ITGA11: variants seen among roughly 807,000 people sequenced by gnomAD.
ITGA11 encodes the protein integrin subunit alpha 11, also known as integrin alpha-11.
In ITGA11, 97 loss-of-function variants were observed where a neutral mutation model predicts 141.9. The ratio of observed to expected loss-of-function variants is 0.68; its 90% CI spans 0.58 to 0.81. The LOEUF (loss-of-function observed/expected upper bound fraction) is 0.81. ITGA11 is among the 30% of genes least tolerant of loss of function. The pLI is 0.00. For synonymous variants in ITGA11, 658 were observed against 624.6 expected (o/e 1.05, Z -0.80); for missense variants, 1,387 against 1,559.2 (o/e 0.89, Z 1.86).
chr15:68,312,174 A>G (rs1033205266), intron 24 of ITGA11, among the ~76,000 whole-genome samples: 1 of 152,224 alleles, frequency 6.6e-6, no homozygotes, highest in Non-Finnish European at 1.5e-5. Context: ...CACTTTCCTT[A>G]GTGGCAGAAC....
intron 1 of ITGA11, among the ~76,000 whole-genome samples, chr15:68,412,538 G>A (rs1360498529): frequency 1.3e-5 from 2 of 152,076 alleles, no homozygotes; most frequent in African/African-American, 4.8e-5. Flanking sequence ...AGAGCATGAG[G>A]CCTCCTTCAC....
intron 2 of ITGA11, among the ~76,000 whole-genome samples, chr15:68,371,738 A>C (rs1028875450): frequency 6.6e-6 from 1 of 151,882 alleles, no homozygotes; most frequent in Non-Finnish European, 1.5e-5. Context: ...AAAAGAAAGA[A>C]AGGCACCGAG....
intron 2 of ITGA11, 31 bp downstream of exon 2, chr15:68,402,887 G>T: frequency 6.8e-7 from 1 of 1,476,478 alleles, no homozygotes; most frequent in Non-Finnish European, 9.4e-7. Flanking sequence ...GAATGGTACA[G>T]GGCTGGGTGT....
chr15:68,395,410 T>C (rs953539200), intron 2 of ITGA11, among the ~76,000 whole-genome samples: 6 of 151,800 alleles, frequency 4.0e-5, no homozygotes, highest in South Asian at 2.1e-4. Flanking sequence ...AAACCCATCA[T>C]AAGGAAGCTA....
chr15:68,364,227 C>T (rs991989432), intron 4 of ITGA11, among the ~76,000 whole-genome samples: 3 of 152,306 alleles, frequency 2.0e-5, no homozygotes, highest in East Asian at 1.9e-4. Flanking sequence ...GCCCTTCCCT[C>T]GGCTGTGGTA....
chr15:68,341,278 C>T (rs1359059884), intron 10 of ITGA11, among the ~76,000 whole-genome samples: 4 of 152,186 alleles, frequency 2.6e-5, no homozygotes, highest in Non-Finnish European at 5.9e-5. Flanking sequence ...GTTCGGGCCA[C>T]GACAGGAGCC....
chr15:68,374,862 A>G (rs1440597769), intron 2 of ITGA11, among the ~76,000 whole-genome samples: 1 of 152,190 alleles, frequency 6.6e-6, no homozygotes, highest in Non-Finnish European at 1.5e-5. Flanking sequence ...AAATCCAATT[A>G]TCATTGGTTA....
At chr15:68,417,615 A>G (rs1295990276) in intron 1 of ITGA11, among the ~76,000 whole-genome samples, 1 of 152,024 alleles carries the variant, frequency 6.6e-6, no homozygotes, top group African/African-American at 2.4e-5. Flanking sequence ...CATTTAGAAT[A>G]GATTCTAGAC....
rs115215765 is a variant in ITGA11 at position 68,309,103 on chromosome 15, G to A, written c.3175-1407C>T. On this transcript the variant is annotated intron_variant, in intron 26 of 29. Transcript: ENST00000315757. ...AAGCATTTCTTCAAATAATTATAACGGATAAAAGATGGCTTTGCCAGTACC... is the reference window on the plus strand; with the variant it reads ...AAGCATTTCTTCAAATAATTATAACAGATAAAAGATGGCTTTGCCAGTACC... 3.0e-3 allele frequency among the ~76,000 whole-genome samples: 462 copies of A among 152,292 alleles called. 4 individuals carry two copies. Among genetic ancestry groups the A allele is most frequent in the East Asian group, 0.013 (67 of 5,184 alleles).
In ITGA11 at chr15:68,325,097, A is replaced by C. The variant is rs775184562; in HGVS notation, c.2322+34T>G. 2.0e-6 allele frequency: 3 copies of C among 1,516,130 alleles called. No homozygotes were observed. Among genetic ancestry groups the C allele is most frequent in the East Asian group, 4.5e-5 (2 of 44,384 alleles). 93.9% of individuals were successfully genotyped at this position (1,516,130 alleles called of 1,614,324 possible). ...TGAGGTGGAGGTGGGGGTGGGGTTCATGCCCGAGGTGCGTGCCCTGTACCG... is the reference window on the plus strand; with the variant it reads ...TGAGGTGGAGGTGGGGGTGGGGTTCCTGCCCGAGGTGCGTGCCCTGTACCG... On this transcript the variant is annotated intron_variant, in intron 18 of 29. Coordinates refer to ENST00000315757, the MANE Select transcript of ITGA11 (RefSeq NM_001004439.2). This position sits in a 1 kb window ranked among gnomAD's most constrained non-coding sequence, Gnocchi z 5.5.
At chr15:68,430,400 G>A (rs1595904567) in intron 1 of ITGA11, among the ~76,000 whole-genome samples, 2 of 152,326 alleles carry the variant, frequency 1.3e-5, no homozygotes, top group Non-Finnish European at 2.9e-5. Context: ...CTGTTGGAAA[G>A]GTCGCATAAC....
chr15:68,421,370 G>A (rs1042984435), intron 1 of ITGA11, among the ~76,000 whole-genome samples: 7 of 152,184 alleles, frequency 4.6e-5, no homozygotes, highest in Admixed American at 4.6e-4. Flanking sequence ...CACAGAGGAG[G>A]AAGTCAGAAA....
chr15:68,341,673 T>C (rs1479752951), intron 10 of ITGA11, among the ~76,000 whole-genome samples: 6 of 152,210 alleles, frequency 3.9e-5, no homozygotes, highest in African/African-American at 1.4e-4. Flanking sequence ...TTCCTCCCTC[T>C]CTCTGCCTGT....
intron 23 of ITGA11, 34 bp from the exon 24 acceptor site, chr15:68,312,897 C>T (rs1465406973): frequency 1.4e-6 from 2 of 1,479,686 alleles, no homozygotes; most frequent in Non-Finnish European, 1.9e-6. Context: ...GTCGTGAGCT[C>T]AGTCAGGGCT....
intron 2 of ITGA11, among the ~76,000 whole-genome samples, chr15:68,395,478 C>T (rs1455973350): frequency 6.6e-6 from 1 of 151,292 alleles, no homozygotes; most frequent in African/African-American, 2.4e-5. Flanking sequence ...GTAGAGAAGA[C>T]TTTAAATGAC....
At position 68,326,776 on chromosome 15, in the gene ITGA11, T is replaced by C. The variant is rs200830381; in HGVS notation, c.2089A>G (p.Met697Val). 4.6e-4 allele frequency: 731 copies of C among 1,581,008 alleles called. 2 individuals carry two copies. Among genetic ancestry groups the C allele is most frequent in the South Asian group, 3.2e-3 (279 of 86,116 alleles). ...CTCGGTGTATACCGCCTCTCATCCA[T>C]GGTGGCGTTGTATCTGATGCCTGCA... ...TTVGIRYNATMDERRYTPRAH... is the reference protein window; with the variant it reads ...TTVGIRYNATVDERRYTPRAH... Residue 697 changes from methionine (M) to valine (V), a missense_variant, in exon 17 of 30, where the codon ATG becomes GTG. Coordinates refer to ENST00000315757, the MANE Select transcript of ITGA11 (RefSeq NM_001004439.2). This position sits in a 1 kb window ranked among gnomAD's most constrained non-coding sequence, Gnocchi z 6.8.
rs571050702 is a variant in ITGA11, at chr15:68,372,078, C to T, written c.165-2794G>A. On this transcript the variant is annotated intron_variant, in intron 2 of 29. Transcript: ENST00000315757. ...ACCCAGCCCCACAGTTGGTTTGCTG[C>T]GGGGCTGGGACTGGAGTTCTCCTGG... 1.4e-3 allele frequency among the ~76,000 whole-genome samples: 217 copies of T among 152,232 alleles called. 1 individual carries two copies. The highest frequency in any genetic ancestry group is 5.1e-3 in the African/African-American group (210 of 41,554).
At chr15:68,423,774 G>A (rs1202355089) in intron 1 of ITGA11, among the ~76,000 whole-genome samples, 1 of 152,132 alleles carries the variant, frequency 6.6e-6, no homozygotes, top group African/African-American at 2.4e-5. Context: ...GTGTCCCCCT[G>A]CTTGTCCCAC....
Position 68,312,809 on chromosome 15 carries a change from G to A in ITGA11, c.2937C>T (p.Tyr979=), listed in dbSNP as rs775298761. 22 of 1,613,518 alleles carry A rather than the reference G, an allele frequency of 1.4e-5. No homozygotes were observed. The highest frequency in any genetic ancestry group is 4.0e-5 in the African/African-American group (3 of 74,926). The change falls in exon 24 of 30, where the codon TAC becomes TAT. Residue 979 remains tyrosine (Y), a synonymous_variant. Coordinates refer to ENST00000315757, the MANE Select transcript of ITGA11 (RefSeq NM_001004439.2). ...AGCTGAAGGGAGGCCCGATACCATC[G>A]TATCTCTCCAGCGAGCTGTTGGGCT... ...EVKPNSSLER[Y]DGIGPPFSCI...
Sources: allele counts gnomAD v4.1 joint callset (sites outside exome capture counted in the v4.1 genomes callset), GRCh38; gene constraint gnomAD v4.1.1; non-coding constraint Gnocchi (gnomAD v3.1); transcripts MANE v1.5; gene names NCBI Gene and HGNC (gene_info 2026-07-23, HGNC 2026-07-21).